The following HDAC9 variants were observed in gnomAD, a reference collection of about 807,000 sequenced individuals.
HDAC9 encodes the protein histone deacetylase 9.
Under a neutral mutation model 139.4 loss-of-function variants are expected in HDAC9, and 41 were observed. The observed-to-expected ratio is 0.29, with a 90% CI of 0.23 to 0.38. The LOEUF is 0.38. HDAC9 is among the 10% of genes least tolerant of loss of function. The probability of loss-of-function intolerance (pLI) is 1.00; values close to 1 mark genes in which losing one functional copy is unlikely to be tolerated. For missense variants in HDAC9, 1,147 were observed against 1,297.0 expected, an observed-to-expected ratio of 0.88 and a Z score of 1.78; for synonymous variants, 517 against 476.2, an observed-to-expected ratio of 1.09 and a Z score of -1.12.
chr7:18,390,797 A>T (rs1786400887), intron 1 of HDAC9, among the ~76,000 whole-genome samples: 1 of 152,194 alleles, frequency 6.6e-6, no homozygotes, highest in African/African-American at 2.4e-5. Flanking sequence ...ATTAGAAAAC[A>T]TTGTGTTTGG....
At chr7:18,402,924 G>A (rs938089945) in intron 1 of HDAC9, among the ~76,000 whole-genome samples, 42 of 152,254 alleles carry the variant, frequency 2.8e-4, no homozygotes, top group African/African-American at 9.9e-4. Flanking sequence ...TAAACAGAGC[G>A]ATTATATAAA....
At chr7:18,544,456 A>G (rs1413734862) in intron 2 of HDAC9, among the ~76,000 whole-genome samples, 1 of 152,180 alleles carries the variant, frequency 6.6e-6, no homozygotes, top group Non-Finnish European at 1.5e-5. Context: ...GGAGATGTTG[A>G]AGGGACAGTG....
chr7:18,517,987 CACTT>C (rs1375011632), intron 2 of HDAC9: 1 of 152,168 alleles, frequency 6.6e-6, no homozygotes, highest in Non-Finnish European at 1.5e-5. Flanking sequence ...CACATGCTCA[CACTT>C]ACAGTTATAC....
At chr7:18,432,029 A>G (rs893400150) in intron 1 of HDAC9, among the ~76,000 whole-genome samples, 3 of 152,226 alleles carry the variant, frequency 2.0e-5, no homozygotes, top group Non-Finnish European at 2.9e-5. Flanking sequence ...TGTCCTGAAT[A>G]AAACAGGTAT....
At chr7:18,838,250 A>G (rs1161621339) in intron 21 of HDAC9, among the ~76,000 whole-genome samples, 1 of 152,048 alleles carries the variant, frequency 6.6e-6, no homozygotes, top group Non-Finnish European at 1.5e-5. Flanking sequence ...TTCAGGGATC[A>G]TAATATATGT....
intron 19 of HDAC9, among the ~76,000 whole-genome samples, chr7:18,832,401 T>A (rs1161711396): frequency 6.6e-6 from 1 of 152,200 alleles, no homozygotes; most frequent in Non-Finnish European, 1.5e-5. Context: ...TTATTCAAGG[T>A]TACTCAAAGT....
chr7:18,272,739 A>C (rs1050240029), intron 2 of HDAC9, among the ~76,000 whole-genome samples: 11 of 152,172 alleles, frequency 7.2e-5, no homozygotes, highest in Admixed American at 2.0e-4. Flanking sequence ...ATTCTTTTCA[A>C]ATTGAGGTAT....
At chr7:18,341,186 T>C (rs561588771) in intron 1 of HDAC9, among the ~76,000 whole-genome samples, 18 of 151,540 alleles carry the variant, frequency 1.2e-4, no homozygotes, top group African/African-American at 4.3e-4. Flanking sequence ...TTGATGATAA[T>C]GTGCCTTGGA....
At chr7:18,820,936 A>G (rs1794918833) in intron 17 of HDAC9, among the ~76,000 whole-genome samples, 1 of 152,206 alleles carries the variant, frequency 6.6e-6, no homozygotes, top group Non-Finnish European at 1.5e-5. Context: ...ACAAAATACC[A>G]CAGATGCAGT....
chr7:18,429,522 C>T, intron 1 of HDAC9, among the ~76,000 whole-genome samples: 1 of 151,508 alleles, frequency 6.6e-6, no homozygotes, highest in East Asian at 1.9e-4. Flanking sequence ...GATGGCTATC[C>T]ATAAGTTTGA....
At position 18,733,736 on chromosome 7, in the gene HDAC9, G is replaced by T. The variant is rs144448735; in HGVS notation, c.1909+5979G>T. ...TTGGGGGTATGCTTTTTATACCTAA[G>T]AATTTCATCCTATTACCTTCACACA... On this transcript the variant is annotated intron_variant, in intron 13 of 25. Coordinates refer to ENST00000686413, the MANE Select transcript of HDAC9 (RefSeq NM_178425.4). Among the ~76,000 whole-genome samples, 663 of 151,918 alleles carry T rather than the reference G, an allele frequency of 4.4e-3. 6 individuals are homozygous for T. The highest frequency in any genetic ancestry group is 0.015 in the African/African-American group (624 of 41,450).
At position 18,282,740 on chromosome 7, in the gene HDAC9, C is replaced by G. The variant is rs1031567472; in HGVS notation, c.25+120391C>G. Among the ~76,000 whole-genome samples, 12 of 152,028 alleles carry G rather than the reference C, an allele frequency of 7.9e-5. 1 individual carries two copies. The highest frequency in any genetic ancestry group is 1.5e-5 in the Non-Finnish European group (1 of 68,022). The stretch of plus-strand genomic sequence containing the variant: ...AAAATAATAAATGAGTCTGGGTACT[C>G]CCTTCTCTTGGCCACATGGTTGATG... On this transcript the variant is annotated intron_variant, in intron 2 of 12. Coordinates refer to the HDAC9 transcript ENST00000417496.
intron 21 of HDAC9, among the ~76,000 whole-genome samples, chr7:18,847,397 A>G (rs540434441): frequency 2.6e-4 from 39 of 152,152 alleles, no homozygotes; most frequent in African/African-American, 8.9e-4. Context: ...AAGGACTGAA[A>G]TGATTGCACA....
intron 22 of HDAC9, among the ~76,000 whole-genome samples, chr7:18,907,788 C>G (rs1802396483): frequency 6.6e-6 from 1 of 152,162 alleles, no homozygotes; most frequent in African/African-American, 2.4e-5. Flanking sequence ...GTAGTGACAT[C>G]TTGAGAGTAA....
At chr7:18,125,786 A>G (rs927143726) in intron 1 of HDAC9, among the ~76,000 whole-genome samples, 11 of 152,170 alleles carry the variant, frequency 7.2e-5, no homozygotes, top group Non-Finnish European at 1.5e-4. Context: ...CACTTTAGCT[A>G]TGGACAACTT....
At chr7:18,365,950 TTG>T (rs1258925615) in intron 1 of HDAC9, among the ~76,000 whole-genome samples, 1 of 130,164 alleles carries the variant, frequency 7.7e-6, no homozygotes, top group Non-Finnish European at 1.6e-5. Context: ...TTGTTTTCAG[TTG>T]TTTTTTTTTT....
intron 21 of HDAC9, among the ~76,000 whole-genome samples, chr7:18,866,834 G>A (rs1416112807): frequency 6.6e-6 from 1 of 152,174 alleles, no homozygotes; most frequent in Non-Finnish European, 1.5e-5. Context: ...ATGCTGGGGT[G>A]AGTCATGGGA....
chr7:18,308,308 T>C (rs114956856), intron 1 of HDAC9, among the ~76,000 whole-genome samples: 1,679 of 152,316 alleles, frequency 0.011, 16 homozygotes, highest in Middle Eastern at 0.041. Context: ...TAAATCACTG[T>C]TGTAGCCTTG....
intron 24 of HDAC9, among the ~76,000 whole-genome samples, chr7:18,967,554 T>A (rs1292736131): frequency 6.8e-6 from 1 of 146,952 alleles, no homozygotes; most frequent in Non-Finnish European, 1.5e-5. Flanking sequence ...TGTTATAAAT[T>A]TTGGTAAAAG....
Sources: gnomAD v4.1 joint callset for allele counts (sites outside exome capture counted in the v4.1 genomes callset) on GRCh38, gnomAD v4.1.1 for gene constraint, MANE v1.5 for transcripts, NCBI Gene and HGNC (gene_info 2026-07-23, HGNC 2026-07-21) for gene names.